ZFPM1: variants seen among roughly 807,000 people sequenced by gnomAD.
ZFPM1 encodes zinc finger protein ZFPM1.
ZFPM1 carries 28 observed loss-of-function variants against 46.3 expected under a neutral mutation model. The observed-to-expected ratio is 0.60, with a 90% CI of 0.45 to 0.83. ZFPM1 has a LOEUF of 0.83. Among genes scored for constraint, ZFPM1 ranks in the 40% least tolerant of loss-of-function variants. The pLI, the probability that ZFPM1 is intolerant of heterozygous loss-of-function variation, is 0.00. For missense variants in ZFPM1, 1,878 were observed against 1,432.4 expected (o/e 1.31, Z -5.02); for synonymous variants, 957 against 675.9 (o/e 1.42, Z -6.45).
At chr16:88,453,244 C>G (rs1188354042), upstream of ZFPM1, 2 of 146,706 alleles carry the variant, frequency 1.4e-5, no homozygotes, top group East Asian at 4.0e-4. Flanking sequence ...GTGCGGCGGC[C>G]GACGACGCTC....
At chr16:88,496,462 G>A (rs369660110) in intron 3 of ZFPM1, among the ~76,000 whole-genome samples, 7 of 152,106 alleles carry the variant, frequency 4.6e-5, no homozygotes, top group African/African-American at 1.2e-4. Flanking sequence ...CCCAGACCCC[G>A]CCCCACCCCC....
intron 4 of ZFPM1, among the ~76,000 whole-genome samples, chr16:88,521,153 G>A (rs1911853506): frequency 6.6e-6 from 1 of 151,574 alleles, no homozygotes; most frequent in Non-Finnish European, 1.5e-5. Flanking sequence ...TATATGGCCT[G>A]AGGCCAACCT....
chr16:88,484,589 G>A (rs1241758360), intron 1 of ZFPM1, among the ~76,000 whole-genome samples: 1 of 152,230 alleles, frequency 6.6e-6, no homozygotes, highest in Non-Finnish European at 1.5e-5. Flanking sequence ...GGGAGGCTCT[G>A]CCCCCATCGT....
In ZFPM1 at chr16:88,455,887, G is replaced by A. The variant is rs1311169352; in HGVS notation, c.40+2209G>A. Among the ~76,000 whole-genome samples, 9 of 152,308 alleles carry A rather than the reference G, an allele frequency of 5.9e-5. No individual in the cohort carries two copies. The South Asian group carries it at 1.2e-3, about 21-fold the overall frequency. On this transcript the variant is annotated intron_variant, in intron 1 of 9. Transcript: ENST00000319555. ...GGGGCCGGGGCAGCTCGGGACCCCCGGCGCCCCCAGCCCGCTGGGTTTTCC... is the reference window on the plus strand; with the variant it reads ...GGGGCCGGGGCAGCTCGGGACCCCCAGCGCCCCCAGCCCGCTGGGTTTTCC...
At position 88,480,145 on chromosome 16, in the gene ZFPM1, C is replaced by A. The variant is rs1908867980; in HGVS notation, c.41-5794C>A. Among the ~76,000 whole-genome samples the A allele has an allele frequency of 6.6e-6, 1 of 152,010 alleles. No individual in the cohort carries two copies. Among genetic ancestry groups the A allele is most frequent in the Non-Finnish European group, 1.5e-5 (1 of 68,014 alleles). On this transcript the variant is annotated intron_variant, in intron 1 of 9. Coordinates refer to ENST00000319555, the MANE Select transcript of ZFPM1 (RefSeq NM_153813.3). This position sits in a 1 kb window ranked among gnomAD's most constrained non-coding sequence, Gnocchi z 4.9. ...GTTCCTTTCTCCTGGAGCGCTTTTC[C>A]CTGGACCCGGTGCTGGCAGCCTCCT...
chr16:88,485,253 G>A (rs970147484), intron 1 of ZFPM1, among the ~76,000 whole-genome samples: 3 of 152,178 alleles, frequency 2.0e-5, no homozygotes, highest in Non-Finnish European at 4.4e-5. Context: ...AGCAGGTGGG[G>A]GCCTGTCCCC....
At chr16:88,501,409 A>G (rs1237587023) in intron 3 of ZFPM1, among the ~76,000 whole-genome samples, 1 of 104,552 alleles carries the variant, frequency 9.6e-6, no homozygotes, top group Non-Finnish European at 1.9e-5. Flanking sequence ...GGTGCTGGTG[A>G]TGATGGAGAT....
At chr16:88,519,841 G>A (rs1173880050) in intron 4 of ZFPM1, among the ~76,000 whole-genome samples, 1 of 151,706 alleles carries the variant, frequency 6.6e-6, no homozygotes, top group African/African-American at 2.4e-5. Context: ...GATAGATGGT[G>A]GGTAGATGGA....
intron 3 of ZFPM1, among the ~76,000 whole-genome samples, chr16:88,490,664 G>A (rs1386961037): frequency 4.6e-5 from 7 of 152,200 alleles, no homozygotes; most frequent in Non-Finnish European, 1.0e-4. Flanking sequence ...TCCCACAACA[G>A]GGCAGCCGGG....
At chr16:88,494,254 C>T (rs1909798444) in intron 3 of ZFPM1, among the ~76,000 whole-genome samples, 1 of 152,238 alleles carries the variant, frequency 6.6e-6, no homozygotes, top group African/African-American at 2.4e-5. Context: ...CAAGAGGCGG[C>T]CGAGCAGGGG....
intron 3 of ZFPM1, among the ~76,000 whole-genome samples, chr16:88,507,264 G>A (rs376170230): frequency 6.6e-6 from 1 of 152,098 alleles, no homozygotes; most frequent in Non-Finnish European, 1.5e-5. Flanking sequence ...CAGGAGAAAC[G>A]GTCCCCATCA....
rs980263527 is a variant in ZFPM1 at position 88,501,343 on chromosome 16, C to T, written c.268+12190C>T. 4.3e-3 allele frequency among the ~76,000 whole-genome samples: 480 copies of T among 111,686 alleles called. 28 individuals carry two copies. Among genetic ancestry groups the T allele is most frequent in the Non-Finnish European group, 6.9e-3 (372 of 54,292 alleles). 73.3% of individuals were successfully genotyped at this position (111,686 alleles called of 152,430 possible). ...ATAGCAGACATGGGTGCGGGGCCCT[C>T]CCGCAGGTGCTGGTGATGATGGAGA... is the stretch of plus-strand genomic sequence containing the variant. On this transcript the variant is annotated intron_variant, in intron 3 of 9. Transcript: ENST00000319555.
chr16:88,533,525 G>T lies in ZFPM1; in HGVS notation c.1567G>T (p.Ala523Ser), dbSNP rs758199020. Residue 523 changes from alanine (A) to serine (S), a missense_variant, in exon 10 of 10, where the codon GCC (alanine) becomes TCC (serine). Transcript: ENST00000319555. ...GCCCGGCGAGCTGGGCCTGGCCGGG[G>T]CCCTGTTCCTTCCGCAGTACGTGTT... The part of the protein sequence containing the change: ...PVPGELGLAG[A>S]LFLPQYVFGP... 1 of 1,448,106 alleles carries T rather than the reference G, an allele frequency of 6.9e-7. No individual in the cohort carries two copies. The allele number at this position is 1,448,106 out of a possible 1,614,324, so 89.7% of individuals were successfully genotyped here. A position where few individuals can be genotyped will look rare whatever the true frequency, so the allele number is the denominator to read the frequency against.
chr16:88,471,744 C>T lies in ZFPM1; in HGVS notation c.41-14195C>T, dbSNP rs1297421150. Among the ~76,000 whole-genome samples the T allele has an allele frequency of 6.6e-6, 1 of 152,276 alleles. No homozygotes were observed. The highest frequency in any genetic ancestry group is 1.9e-4 in the East Asian group (1 of 5,196). ...CCTGGGCATGAATTCCTGCCCACCA[C>T]TTACTCACACTGGGATCTGCCACAG... On this transcript the variant is annotated intron_variant, in intron 1 of 9. Transcript: ENST00000319555. The surrounding 1 kb of genome is among the most constrained non-coding windows in gnomAD (Gnocchi z 4.1).
intron 3 of ZFPM1, among the ~76,000 whole-genome samples, chr16:88,490,575 C>T (rs1338643300): frequency 6.6e-6 from 1 of 152,198 alleles, no homozygotes; most frequent in Non-Finnish European, 1.5e-5. Flanking sequence ...AGCGAGGTCC[C>T]AGCAGCAAGG....
chr16:88,497,619 C>T lies in ZFPM1; in HGVS notation c.268+8466C>T, dbSNP rs968461. ...GGTTTTCTTGGCTGTAAAATGGGTACCCTGAAGGGTTTTGTGGGGGGTGTT... is the reference window on the plus strand; with the variant it reads ...GGTTTTCTTGGCTGTAAAATGGGTATCCTGAAGGGTTTTGTGGGGGGTGTT... On this transcript the variant is annotated intron_variant, in intron 3 of 9. Coordinates refer to ENST00000319555, the MANE Select transcript of ZFPM1 (RefSeq NM_153813.3). The surrounding 1 kb of genome is among the most constrained non-coding windows in gnomAD (Gnocchi z 5.4). Among the ~76,000 whole-genome samples, 46,701 of 151,476 alleles carry T rather than the reference C, an allele frequency of 0.31. 7,482 individuals are homozygous for T. Among genetic ancestry groups the T allele is most frequent in the Middle Eastern group, 0.38 (112 of 294 alleles).
intron 3 of ZFPM1, among the ~76,000 whole-genome samples, chr16:88,502,630 G>T (rs1186756102): frequency 6.6e-6 from 1 of 152,204 alleles, no homozygotes; most frequent in Non-Finnish European, 1.5e-5. Flanking sequence ...CTAGCCGAGG[G>T]TCCCCACCTC....
intron 4 of ZFPM1, among the ~76,000 whole-genome samples, chr16:88,521,440 T>C (rs1911877127): frequency 1.3e-5 from 2 of 151,770 alleles, no homozygotes; most frequent in Non-Finnish European, 2.9e-5. Context: ...CATCCCCAGG[T>C]GAGAAAGCCT....
chr16:88,486,500 C>T (rs753495152), intron 2 of ZFPM1, among the ~76,000 whole-genome samples: 14 of 143,488 alleles, frequency 9.8e-5, no homozygotes, highest in Middle Eastern at 4.2e-3. Context: ...AGTGGATGAC[C>T]GCTGGGTGCA....
Sources: allele counts gnomAD v4.1 joint callset (sites outside exome capture counted in the v4.1 genomes callset), GRCh38; gene constraint gnomAD v4.1.1; non-coding constraint Gnocchi (gnomAD v3.1); transcripts MANE v1.5; gene names NCBI Gene and HGNC (gene_info 2026-07-23, HGNC 2026-07-21).